The following EPHX2 variants were observed in gnomAD, a reference collection of about 807,000 sequenced individuals.
EPHX2 encodes the protein epoxide hydrolase 2, also known as bifunctional epoxide hydrolase 2.
Under a neutral mutation model 78.7 loss-of-function variants are expected in EPHX2, and 74 were observed. The ratio of observed to expected loss-of-function variants is 0.94; its 90% confidence interval spans 0.78 to 1.14. The LOEUF is 1.14. Among genes scored for constraint, EPHX2 ranks in the 50% most tolerant of loss-of-function variants. The pLI is 0.00. For missense variants in EPHX2, 715 were observed against 702.5 expected (o/e 1.02, Z -0.20); for synonymous variants, 251 against 255.2 (o/e 0.98, Z 0.16).
chr8:27,528,918 C>T (rs886200346), intron 12 of EPHX2, among the ~76,000 whole-genome samples: 2 of 152,226 alleles, frequency 1.3e-5, no homozygotes, highest in Non-Finnish European at 2.9e-5. Flanking sequence ...GCCTCAGCCT[C>T]CCGAGTAGCT....
intron 16 of EPHX2, 93 bp downstream of exon 16, chr8:27,541,635 C>A: frequency 7.3e-7 from 1 of 1,376,554 alleles, no homozygotes; most frequent in Non-Finnish European, 1.0e-6. Context: ...TGGGCCAGAG[C>A]TGGTTGTGGA....
At chr8:27,534,283 C>T (rs1357397570) in intron 12 of EPHX2, among the ~76,000 whole-genome samples, 1 of 152,190 alleles carries the variant, frequency 6.6e-6, no homozygotes, top group Non-Finnish European at 1.5e-5. Context: ...GCCAGATGAT[C>T]AATGTCTCCA....
Position 27,505,129 on chromosome 8 carries a change from A to C in EPHX2, c.520A>C (p.Lys174Gln), listed in dbSNP as rs754970262. The change falls in exon 4 of 19, where the codon AAG (lysine) becomes CAG (glutamine). Residue 174 changes from lysine to glutamine, a missense_variant. Transcript: ENST00000521400. The stretch of plus-strand genomic sequence containing the variant: ...CTACAAGTTTCTGCTGGACACCCTG[A>C]AGGCCAGCCCCAGTGAGGTACGGAG... ...QIYKFLLDTL[K>Q]ASPSEVVFLD... 6.2e-7 allele frequency: 1 copy of C among 1,614,130 alleles called. No homozygotes were observed.
intron 16 of EPHX2, 102 bp downstream of exon 16, chr8:27,541,644 G>GCC: frequency 8.0e-7 from 1 of 1,249,274 alleles, no homozygotes; most frequent in Non-Finnish European, 1.2e-6. Context: ...GCTGGTTGTG[G>GCC]ACAGATCTGC....
chr8:27,525,110 G>GCGCA (rs1554523132), intron 11 of EPHX2, among the ~76,000 whole-genome samples: 29 of 136,900 alleles, frequency 2.1e-4, no homozygotes, highest in African/African-American at 8.1e-4. Context: ...GTGTGTGTGC[G>GCGCA]CGCGCGCGCG....
chr8:27,535,032 A>G (rs1255373556), intron 12 of EPHX2, among the ~76,000 whole-genome samples: 2 of 152,232 alleles, frequency 1.3e-5, no homozygotes, highest in Non-Finnish European at 2.9e-5. Context: ...CATGCAGAAC[A>G]GTTCAGCTGA....
intron 15 of EPHX2, 75 bp from the exon 16 acceptor site, chr8:27,541,398 C>T: frequency 6.9e-7 from 1 of 1,458,978 alleles, no homozygotes; most frequent in South Asian, 1.1e-5. Context: ...CTGTGCAGAG[C>T]AGGTTTCTGC....
intron 5 of EPHX2, among the ~76,000 whole-genome samples, chr8:27,507,488 T>C (rs913861422): frequency 6.6e-6 from 1 of 152,168 alleles, no homozygotes; most frequent in African/African-American, 2.4e-5. Flanking sequence ...AGCCTGCTCC[T>C]CCAGTTCTGA....
At chr8:27,505,199 A>G (rs1813958703) in intron 4 of EPHX2, 53 bp downstream of exon 4, 3 of 1,586,266 alleles carry the variant, frequency 1.9e-6, no homozygotes, top group Admixed American at 3.4e-5. Context: ...TATTGCAACC[A>G]GGGAAAAACT....
intron 1 of EPHX2, among the ~76,000 whole-genome samples, chr8:27,493,909 A>G: frequency 6.6e-6 from 1 of 152,120 alleles, no homozygotes; most frequent in Non-Finnish European, 1.5e-5. Context: ...TTCCCATTGG[A>G]GAAAAAACCG....
chr8:27,518,070 A>G lies in EPHX2; in HGVS notation c.943A>G (p.Lys315Glu). Residue 315 changes from lysine (K) to glutamate (E), a missense_variant and splice_region_variant, in exon 9 of 19, where the codon AAG becomes GAG. Lys to Glu is a moderately conservative substitution (Grantham distance 56, BLOSUM62 1). Transcript: ENST00000521400. ...IEEYCMEVLC[K>E]EMVTFLDKLG... Reference sequence around the variant, plus strand: ...AGAATATTGCATGGAAGTGTTATGTAAGGTAAGAAGAATCTTGGGTAACAT... The same window carrying G: ...AGAATATTGCATGGAAGTGTTATGTGAGGTAAGAAGAATCTTGGGTAACAT... The G allele has an allele frequency of 1.3e-6, 2 of 1,599,200 alleles. No individual in the cohort carries two copies. Among genetic ancestry groups the G allele is most frequent in the Non-Finnish European group, 1.7e-6 (2 of 1,174,934 alleles).
chr8:27,531,174 G>A (rs915642303), intron 12 of EPHX2, among the ~76,000 whole-genome samples: 2 of 152,194 alleles, frequency 1.3e-5, no homozygotes, highest in African/African-American at 4.8e-5. Context: ...AAATATGGAG[G>A]GGTTTGGAGT....
intron 4 of EPHX2, 142 bp downstream of exon 4, chr8:27,505,288 T>G: frequency 7.7e-6 from 6 of 783,754 alleles, no homozygotes; most frequent in South Asian, 1.7e-5. Flanking sequence ...CGTCTTCTCC[T>G]AGAAGACTGT....
intron 1 of EPHX2, among the ~76,000 whole-genome samples, chr8:27,500,481 G>A (rs987224400): frequency 5.9e-5 from 9 of 152,192 alleles, no homozygotes; most frequent in Admixed American, 5.2e-4. Flanking sequence ...GTTAGAAGAT[G>A]ACATTAAGAT....
At chr8:27,501,324 T>TTTCTCCTTCTTCTTCTTC (rs1813761926) in intron 2 of EPHX2, among the ~76,000 whole-genome samples, 1 of 102,914 alleles carries the variant, frequency 9.7e-6, no homozygotes, top group South Asian at 3.9e-4. Flanking sequence ...TGCTATATAT[T>TTTCTCCTTCTTCTTCTTC]TTCTTCTTCT....
chr8:27,504,984 C>T lies in EPHX2; in HGVS notation c.375C>T (p.Thr125=). The T allele has an allele frequency of 6.2e-7, 1 of 1,614,138 alleles. No individual in the cohort carries two copies. The highest frequency in any genetic ancestry group is 8.5e-7 in the Non-Finnish European group (1 of 1,180,036). The part of the protein sequence containing the change: ...KGFTTAILTN[T]WLDDRAERDG... ...TCACTACTGCCATCCTCACCAACAC[C>T]TGGCTGGACGACCGTGCTGAGAGAG... The change falls in exon 4 of 19, where the codon ACC becomes ACT. Residue 125 remains threonine (T), a synonymous_variant. Transcript: ENST00000521400.
chr8:27,543,151 G>A (rs534146834), intron 16 of EPHX2, among the ~76,000 whole-genome samples: 6 of 151,790 alleles, frequency 4.0e-5, no homozygotes, highest in Admixed American at 1.3e-4. Flanking sequence ...AGGGAGGGGT[G>A]TGGAGAGATG....
At chr8:27,519,339 G>A (rs918171265) in intron 9 of EPHX2, among the ~76,000 whole-genome samples, 9 of 152,164 alleles carry the variant, frequency 5.9e-5, no homozygotes, top group African/African-American at 1.4e-4. Flanking sequence ...CTCAAAAGAC[G>A]ATGCTTAGCA....
chr8:27,510,478 C>T lies in EPHX2; in HGVS notation c.661-1358C>T, dbSNP rs914557886. 3.3e-5 allele frequency among the ~76,000 whole-genome samples: 5 copies of T among 152,254 alleles called. 1 individual carries two copies. In the South Asian group the frequency reaches 1.0e-3, roughly 32 times the overall value. On this transcript the variant is annotated intron_variant, in intron 5 of 18. Transcript: ENST00000521400. ...CGGACTCCTGAGAACAGGCCTGGCACCTGCCGGTGGAAGGCTATTAGGGGC... is the reference window on the plus strand; with the variant it reads ...CGGACTCCTGAGAACAGGCCTGGCATCTGCCGGTGGAAGGCTATTAGGGGC...
Sources: allele counts gnomAD v4.1 joint callset (sites outside exome capture counted in the v4.1 genomes callset), GRCh38; gene constraint gnomAD v4.1.1; transcripts MANE v1.5; gene names NCBI Gene and HGNC (gene_info 2026-07-23, HGNC 2026-07-21).